Variants in RADX observed in about 807,000 individuals in gnomAD.
RADX encodes the protein RPA-related protein RADX.
A neutral mutation model predicts 61.6 loss-of-function variants in RADX; 36 were observed. That is an observed-to-expected ratio of 0.58 (90% CI 0.45 to 0.77). The LOEUF is 0.77. RADX is among the 30% of genes least tolerant of loss of function. RADX has a pLI of 0.00. For missense variants in RADX, 497 were observed against 651.1 expected, an observed-to-expected ratio of 0.76 and a Z score of 2.58; for synonymous variants, 272 against 237.9, an observed-to-expected ratio of 1.14 and a Z score of -1.32.
At chrX:106,648,139 A>G (rs1003336051) in intron 10 of RADX, among the ~76,000 whole-genome samples, 174 bp from the exon 11 acceptor site, 1 of 111,655 alleles carries the variant, frequency 9.0e-6, no homozygotes, top group African/African-American at 3.2e-5. Flanking sequence ...GTTGTTTTAT[A>G]TATGGATATT....
At chrX:106,643,636 C>T (rs996199868) in intron 10 of RADX, among the ~76,000 whole-genome samples, 1 of 111,432 alleles carries the variant, frequency 9.0e-6, no homozygotes, top group Non-Finnish European at 1.9e-5. Flanking sequence ...AATGAGTTCA[C>T]TTTAGGTGTG....
intron 1 of RADX, among the ~76,000 whole-genome samples, chrX:106,613,786 G>A (rs770619906): frequency 8.9e-6 from 1 of 111,788 alleles, no homozygotes; most frequent in Non-Finnish European, 1.9e-5. Flanking sequence ...GCTATTTCAG[G>A]GATGAAAAAA....
chrX:106,646,580 G>A (rs1243049818), intron 10 of RADX, among the ~76,000 whole-genome samples: 1 of 111,194 alleles, frequency 9.0e-6, no homozygotes, highest in African/African-American at 3.3e-5. Flanking sequence ...TATACAAGGG[G>A]CAGTTAGCCT....
intron 13 of RADX, among the ~76,000 whole-genome samples, chrX:106,669,956 G>A (rs1278788521): frequency 8.9e-6 from 1 of 111,823 alleles, no homozygotes; most frequent in Non-Finnish European, 1.9e-5. Context: ...ATGTGGTAAA[G>A]TTTCTAGCAG....
chrX:106,625,092 C>A lies in RADX; in HGVS notation c.789C>A (p.Thr263=). Residue 263 remains threonine (T), a splice_region_variant and synonymous_variant, in exon 3 of 14, where the codon ACC becomes ACA. Coordinates refer to ENST00000372548, the MANE Select transcript of RADX (RefSeq NM_018015.6). ...GCTTTTACTCATTTTCTTTCTAGAC[C>A]TTTTTGGAAGTTGCTGACAGTTCAG... The part of the protein sequence containing the change: ...PDKKMIEPYQ[T]FLEVADSSGT... 1 of 1,172,916 alleles carries A rather than the reference C, an allele frequency of 8.5e-7. No homozygotes were observed. The highest frequency in any genetic ancestry group is 1.1e-6 in the Non-Finnish European group (1 of 876,729).
At chrX:106,655,147 C>T (rs1271576646) in intron 11 of RADX, among the ~76,000 whole-genome samples, 1 of 110,829 alleles carries the variant, frequency 9.0e-6, no homozygotes, top group African/African-American at 3.3e-5. Context: ...AATAAGTATG[C>T]AATATCATTA....
intron 6 of RADX, among the ~76,000 whole-genome samples, chrX:106,633,482 A>G (rs997456392): frequency 2.7e-5 from 3 of 111,720 alleles, no homozygotes; most frequent in Non-Finnish European, 5.6e-5. Context: ...TTCAGAAAAC[A>G]GGTCCTCTTA....
Position 106,622,668 on chromosome X carries a change from C to T in RADX, c.661C>T (p.Leu221Phe), listed in dbSNP as rs774847325. The T allele has an allele frequency of 3.5e-6, 4 of 1,129,540 alleles. No homozygotes were observed. Among genetic ancestry groups the T allele is most frequent in the South Asian group, 1.9e-5 (1 of 51,997 alleles). The allele number at this position is 1,129,540 out of a possible 1,213,427, so 93.1% of individuals were successfully genotyped here. A position where few individuals can be genotyped will look rare whatever the true frequency, so the allele number is the denominator to read the frequency against. Residue 221 changes from leucine to phenylalanine, a missense_variant, in exon 2 of 14, where the codon CTT becomes TTT. By Grantham distance (22) the Leu-to-Phe change is conservative. Around this residue, in one of 3 missense-constraint regions of RADX, gnomAD observed 196 missense variants for 315.0 expected, o/e 0.62. Transcript: ENST00000372548. ...TATTCTAGATACCAAAATAATTTCC[C>T]TTTCTCATCTTGAAATGACCTGGAC... is the stretch of plus-strand genomic sequence containing the variant. ...HNFSDTKIISLSHLEMTWTNR... is the reference protein window; with the variant it reads ...HNFSDTKIISFSHLEMTWTNR...
chrX:106,613,796 A>C (rs1032362034), intron 1 of RADX, among the ~76,000 whole-genome samples: 1 of 112,272 alleles, frequency 8.9e-6, no homozygotes, highest in East Asian at 2.8e-4. Flanking sequence ...GGATGAAAAA[A>C]TGGAGTGATT....
At chrX:106,659,222 C>T (rs1261629471) in intron 11 of RADX, among the ~76,000 whole-genome samples, 1 of 112,061 alleles carries the variant, frequency 8.9e-6, no homozygotes, top group African/African-American at 3.2e-5. Context: ...CTCAAGCAGT[C>T]CTCCTGCCTC....
chrX:106,628,104 A>G (rs771425597), intron 3 of RADX, among the ~76,000 whole-genome samples: 2 of 111,442 alleles, frequency 1.8e-5, no homozygotes, highest in Non-Finnish European at 3.8e-5. Flanking sequence ...TCAAAATGCT[A>G]GGATTACACG....
rs1927278024 is a variant in RADX at position 106,633,190 on chromosome X, A to C, written c.1241A>C (p.Gln414Pro). 3.3e-6 allele frequency: 4 copies of C among 1,202,589 alleles called. No individual in the cohort carries two copies. Among genetic ancestry groups the C allele is most frequent in the Non-Finnish European group, 4.5e-6 (4 of 888,764 alleles). Residue 414 changes from glutamine (Q) to proline (P), a missense_variant, in exon 6 of 14, where the codon CAA becomes CCA. Gln to Pro is a moderately conservative substitution (Grantham distance 76, BLOSUM62 -1). Coordinates refer to ENST00000372548, the MANE Select transcript of RADX (RefSeq NM_018015.6). The part of the protein sequence containing the change: ...WIHIADGTSE[Q>P]PFIVELFSTS... ...CACATTGCTGACGGTACTTCAGAACAACCATTTATAGTGGAACTGTTTTCA... is the reference window on the plus strand; with the variant it reads ...CACATTGCTGACGGTACTTCAGAACCACCATTTATAGTGGAACTGTTTTCA...
chrX:106,617,025 T>G (rs1257150586), intron 1 of RADX, among the ~76,000 whole-genome samples: 2 of 92,351 alleles, frequency 2.2e-5, no homozygotes, highest in East Asian at 3.2e-4. Flanking sequence ...TGTGGGTTTT[T>G]TTTTTTTTTT....
chrX:106,656,121 AT>A (rs1372567698), intron 11 of RADX, among the ~76,000 whole-genome samples: 1 of 111,924 alleles, frequency 8.9e-6, no homozygotes, highest in East Asian at 2.8e-4. Flanking sequence ...TAAATTCTTT[AT>A]TTTCATTTTA....
chrX:106,633,792 CT>C (rs909234575), intron 6 of RADX, among the ~76,000 whole-genome samples: 3 of 111,610 alleles, frequency 2.7e-5, no homozygotes, highest in African/African-American at 9.8e-5. Flanking sequence ...ACTTTCTCCC[CT>C]GGATTCATTC....
chrX:106,629,829 AT>A (rs1295462396), intron 3 of RADX, among the ~76,000 whole-genome samples: 2 of 111,653 alleles, frequency 1.8e-5, no homozygotes, highest in Non-Finnish European at 3.8e-5. Context: ...TAAAAAAAAA[AT>A]AAGTTCACAT....
chrX:106,612,159 G>C lies in RADX; in HGVS notation c.79G>C (p.Ala27Pro). 2.5e-6 allele frequency: 3 copies of C among 1,211,904 alleles called. No individual in the cohort carries two copies. Among genetic ancestry groups the C allele is most frequent in the Non-Finnish European group, 2.2e-6 (2 of 895,476 alleles). Residue 27 changes from alanine to proline, a missense_variant, in exon 1 of 14, where the codon GCT (alanine) becomes CCT (proline). Physicochemically the swap from Ala to Pro is conservative, Grantham distance 27. Transcript: ENST00000372548. ...TTGGCCGAACCCTGAGAGGAATCGG[G>C]CTGGGGTCCCGGGAGGGGTGATCCG... is the stretch of plus-strand genomic sequence containing the variant. ...LDWPNPERNRAGVPGGVIRRA... is the reference protein window; with the variant it reads ...LDWPNPERNRPGVPGGVIRRA...
chrX:106,629,033 T>C (rs1012493166), intron 3 of RADX, among the ~76,000 whole-genome samples: 2 of 112,434 alleles, frequency 1.8e-5, no homozygotes, highest in Admixed American at 1.9e-4. Context: ...GTGTATGGCT[T>C]TGTATATTGA....
intron 6 of RADX, among the ~76,000 whole-genome samples, chrX:106,634,287 C>T (rs923520608): frequency 1.8e-5 from 2 of 110,910 alleles, no homozygotes; most frequent in Non-Finnish European, 3.8e-5. Context: ...AGGAGCACAC[C>T]ACCATGCCTG....
Sources: allele counts gnomAD v4.1 joint callset (sites outside exome capture counted in the v4.1 genomes callset), GRCh38; gene constraint gnomAD v4.1.1; regional missense constraint gnomAD v4.1.1; transcripts MANE v1.5; gene names NCBI Gene and HGNC (gene_info 2026-07-23, HGNC 2026-07-21).